The following KANSL1L variants were observed in gnomAD, a reference collection of about 807,000 sequenced individuals.
KANSL1L encodes KAT8 regulatory NSL complex subunit 1-like protein.
Under a neutral mutation model 108.6 loss-of-function variants are expected in KANSL1L, and 25 were observed. That is an observed-to-expected ratio of 0.23 (90% CI 0.17 to 0.32). The LOEUF (loss-of-function observed/expected upper bound fraction) is 0.32, where lower values mean the gene tolerates loss of function less well. Among genes scored for constraint, KANSL1L ranks in the 10% least tolerant of loss-of-function variants. The pLI is 1.00. For synonymous variants in KANSL1L, 405 were observed against 395.1 expected (o/e 1.03, Z -0.30); for missense variants, 1,137 against 1,125.7 (o/e 1.01, Z -0.14).
intron 8 of KANSL1L, among the ~76,000 whole-genome samples, chr2:210,037,431 CAA>C (rs1426841149): frequency 1.3e-5 from 2 of 152,154 alleles, no homozygotes; most frequent in African/African-American, 4.8e-5. Flanking sequence ...CAAATTCCAA[CAA>C]GTGAAATCGC....
intron 7 of KANSL1L, among the ~76,000 whole-genome samples, chr2:210,042,781 A>G (rs1394441119): frequency 6.6e-6 from 1 of 152,212 alleles, no homozygotes; most frequent in Non-Finnish European, 1.5e-5. Context: ...AATATAGAAT[A>G]AAATAGTTCT....
chr2:210,133,264 T>C (rs2095143186), intron 2 of KANSL1L, among the ~76,000 whole-genome samples: 1 of 152,158 alleles, frequency 6.6e-6, no homozygotes, highest in Non-Finnish European at 1.5e-5. Flanking sequence ...TCTAATACAA[T>C]GTAAATATTG....
chr2:210,084,390 C>A (rs1410530113), intron 5 of KANSL1L, among the ~76,000 whole-genome samples: 1 of 152,046 alleles, frequency 6.6e-6, no homozygotes, highest in African/African-American at 2.4e-5. Flanking sequence ...CCACTGCACT[C>A]CAGTCTGGGC....
chr2:210,066,144 T>C (rs2094465302), intron 6 of KANSL1L, among the ~76,000 whole-genome samples: 1 of 152,182 alleles, frequency 6.6e-6, no homozygotes, highest in South Asian at 2.1e-4. Context: ...AGAAAAACAC[T>C]GTGCTAGTTG....
chr2:210,080,537 A>T (rs572862757), intron 5 of KANSL1L, among the ~76,000 whole-genome samples: 10 of 152,066 alleles, frequency 6.6e-5, no homozygotes, highest in African/African-American at 2.4e-4. Flanking sequence ...AAAATAAAAA[A>T]TAAACAAACA....
chr2:210,125,347 C>T (rs1214472925), intron 3 of KANSL1L, among the ~76,000 whole-genome samples: 2 of 152,194 alleles, frequency 1.3e-5, no homozygotes, highest in Non-Finnish European at 2.9e-5. Flanking sequence ...TAAAGTAAAG[C>T]CCTGAATCTG....
intron 6 of KANSL1L, among the ~76,000 whole-genome samples, chr2:210,046,073 C>A (rs535653630): frequency 6.6e-6 from 1 of 152,222 alleles, no homozygotes; most frequent in South Asian, 2.1e-4. Flanking sequence ...ATGGCTGTAA[C>A]CTCAAATGAT....
chr2:210,168,471 C>G (rs555571492), intron 1 of KANSL1L, among the ~76,000 whole-genome samples: 1 of 151,980 alleles, frequency 6.6e-6, no homozygotes, highest in Non-Finnish European at 1.5e-5. Flanking sequence ...AGAACCATCT[C>G]AATAATAAAG....
intron 2 of KANSL1L, among the ~76,000 whole-genome samples, chr2:210,145,387 C>A (rs1222194740): frequency 6.6e-6 from 1 of 152,164 alleles, no homozygotes; most frequent in South Asian, 2.1e-4. Flanking sequence ...AGGTGGCACC[C>A]ATATTCAGAG....
intron 2 of KANSL1L, among the ~76,000 whole-genome samples, chr2:210,142,426 T>A (rs1055142156): frequency 3.3e-5 from 5 of 152,092 alleles, no homozygotes; most frequent in Non-Finnish European, 5.9e-5. Context: ...ATTCTGCTTA[T>A]CTTTTCAAAA....
chr2:210,116,140 G>A (rs538558109), intron 3 of KANSL1L, among the ~76,000 whole-genome samples: 14 of 152,302 alleles, frequency 9.2e-5, no homozygotes, highest in Middle Eastern at 3.4e-3. Context: ...AACATTGGCC[G>A]TAGACAGGCA....
intron 8 of KANSL1L, among the ~76,000 whole-genome samples, chr2:210,034,730 G>C (rs971061781): frequency 2.0e-5 from 3 of 152,192 alleles, no homozygotes; most frequent in African/African-American, 7.2e-5. Flanking sequence ...TTGACAACTT[G>C]GCAATTGGTT....
intron 2 of KANSL1L, among the ~76,000 whole-genome samples, chr2:210,133,326 A>G (rs897178245): frequency 1.3e-5 from 2 of 152,016 alleles, no homozygotes; most frequent in Non-Finnish European, 2.9e-5. Flanking sequence ...CATATTTTTT[A>G]TTATTGCATT....
chr2:210,031,832 A>C (rs375051716), intron 8 of KANSL1L, among the ~76,000 whole-genome samples: 184 of 152,260 alleles, frequency 1.2e-3, no homozygotes, highest in African/African-American at 4.0e-3. Context: ...CAGATATATA[A>C]ATCTTGGCGA....
chr2:210,111,876 C>A (rs1028779470), intron 3 of KANSL1L, among the ~76,000 whole-genome samples: 1 of 151,074 alleles, frequency 6.6e-6, no homozygotes, highest in African/African-American at 2.4e-5. Flanking sequence ...AAAGCTCTCG[C>A]TGCCCCCTCC....
At chr2:210,046,260 A>G (rs1043536750) in intron 6 of KANSL1L, among the ~76,000 whole-genome samples, 1 of 152,190 alleles carries the variant, frequency 6.6e-6, no homozygotes, top group Admixed American at 6.5e-5. Context: ...AAGCCCCCCA[A>G]AATACATGTC....
At chr2:210,116,736 G>A (rs570194103) in intron 3 of KANSL1L, among the ~76,000 whole-genome samples, 4 of 152,294 alleles carry the variant, frequency 2.6e-5, no homozygotes, top group Non-Finnish European at 1.5e-5. Context: ...ACACCCAAGG[G>A]TGTTTCAATA....
chr2:210,023,210 C>CAACT (rs1173477201), intron 14 of KANSL1L, 31 bp from the exon 15 acceptor site: 2 of 1,491,370 alleles, frequency 1.3e-6, no homozygotes, highest in African/African-American at 1.4e-5. Flanking sequence ...AGTTAAGTTT[C>CAACT]AACTAACTTG....
chr2:210,116,464 C>T (rs2094954863), intron 3 of KANSL1L, among the ~76,000 whole-genome samples: 1 of 152,136 alleles, frequency 6.6e-6, no homozygotes, highest in South Asian at 2.1e-4. Context: ...CAGTGCTGTG[C>T]TGTCTTCGGA....
Sources: allele counts gnomAD v4.1 joint callset (sites outside exome capture counted in the v4.1 genomes callset), GRCh38; gene constraint gnomAD v4.1.1; transcripts MANE v1.5; gene names NCBI Gene and HGNC (gene_info 2026-07-23, HGNC 2026-07-21).